The following MCF2L2 variants were observed in gnomAD, a reference collection of about 807,000 sequenced individuals.
The protein encoded by MCF2L2 is probable guanine nucleotide exchange factor MCF2L2.
A neutral mutation model predicts 150.2 loss-of-function variants in MCF2L2; 102 were observed. That is an observed-to-expected ratio of 0.68 (90% confidence interval 0.58 to 0.80). The LOEUF (loss-of-function observed/expected upper bound fraction) is 0.80. Among genes scored for constraint, MCF2L2 ranks in the 30% least tolerant of loss-of-function variants. The pLI, the probability that MCF2L2 is intolerant of heterozygous loss-of-function variation, is 0.00. For synonymous variants in MCF2L2, 465 were observed against 491.3 expected (o/e 0.95, Z 0.71); for missense variants, 1,256 against 1,372.8 (o/e 0.91, Z 1.34).
intron 15 of MCF2L2, among the ~76,000 whole-genome samples, chr3:183,234,477 T>A (rs1336603737): frequency 6.6e-6 from 1 of 152,234 alleles, no homozygotes; most frequent in South Asian, 2.1e-4. Context: ...CTCATCCAAC[T>A]GCTTCATTTT....
chr3:183,256,781 A>T (rs1024578322), intron 15 of MCF2L2, among the ~76,000 whole-genome samples: 3 of 152,204 alleles, frequency 2.0e-5, no homozygotes, highest in Non-Finnish European at 4.4e-5. Context: ...AGAGGACCAT[A>T]TAATCTTATA....
chr3:183,180,165 G>T lies in MCF2L2; in HGVS notation c.3017-6C>A. ...AAACTCCCTGCTGGAGCAGCCTTAG[G>T]GAGAGAAAGGGAAGGATGGGGCCTC... On this transcript the variant is annotated splice_region_variant and splice_polypyrimidine_tract_variant and intron_variant, in intron 27 of 29. Coordinates refer to ENST00000328913, the MANE Select transcript of MCF2L2 (RefSeq NM_015078.4). The T allele has an allele frequency of 1.3e-6, 2 of 1,595,532 alleles. No homozygotes were observed. Among genetic ancestry groups the T allele is most frequent in the Non-Finnish European group, 1.7e-6 (2 of 1,163,700 alleles).
At chr3:183,357,683 A>G (rs990956086) in intron 3 of MCF2L2, among the ~76,000 whole-genome samples, 3 of 152,158 alleles carry the variant, frequency 2.0e-5, no homozygotes, top group Non-Finnish European at 4.4e-5. Flanking sequence ...TGACTCCCCT[A>G]TGCAAGCACG....
intron 21 of MCF2L2, 112 bp from the exon 22 acceptor site, chr3:183,216,206 G>T: frequency 2.6e-6 from 3 of 1,146,642 alleles, no homozygotes; most frequent in Non-Finnish European, 3.8e-6. Flanking sequence ...TGACTGAGAA[G>T]GGTGGATATT....
intron 15 of MCF2L2, among the ~76,000 whole-genome samples, chr3:183,241,370 C>T (rs1476126914): frequency 6.6e-6 from 1 of 152,178 alleles, no homozygotes; most frequent in Non-Finnish European, 1.5e-5. Context: ...TCTGTGTCCC[C>T]ACCCAAATCT....
intron 3 of MCF2L2, among the ~76,000 whole-genome samples, chr3:183,366,731 G>A (rs1356998689): frequency 3.3e-5 from 5 of 152,156 alleles, no homozygotes; most frequent in Admixed American, 3.3e-4. Context: ...CCAAAATAGA[G>A]GGGACTTTCC....
At chr3:183,368,897 C>T (rs532431082) in intron 3 of MCF2L2, among the ~76,000 whole-genome samples, 7 of 152,174 alleles carry the variant, frequency 4.6e-5, no homozygotes, top group African/African-American at 7.2e-5. Context: ...TTATCATCTC[C>T]GTGAGGATGA....
At chr3:183,339,989 G>A (rs1381903809) in intron 4 of MCF2L2, among the ~76,000 whole-genome samples, 2 of 152,114 alleles carry the variant, frequency 1.3e-5, no homozygotes, top group South Asian at 2.1e-4. Context: ...TATGGACCCT[G>A]GAAAGCCAGA....
chr3:183,421,178 C>T (rs1461406923), intron 1 of MCF2L2, among the ~76,000 whole-genome samples: 1 of 146,534 alleles, frequency 6.8e-6, no homozygotes, highest in Non-Finnish European at 1.5e-5. Flanking sequence ...CCTACTTCAA[C>T]ATCATTGAGC....
At chr3:183,324,623 C>T (rs957560814) in intron 5 of MCF2L2, among the ~76,000 whole-genome samples, 7 of 152,102 alleles carry the variant, frequency 4.6e-5, no homozygotes, top group African/African-American at 1.7e-4. Flanking sequence ...ATCCCAGCTA[C>T]TCAGGAGGCT....
intron 21 of MCF2L2, among the ~76,000 whole-genome samples, chr3:183,217,005 T>A (rs1383227640): frequency 6.7e-6 from 1 of 150,260 alleles, no homozygotes; most frequent in African/African-American, 2.5e-5. Flanking sequence ...AAAAAAAAAA[T>A]ACCATATGGC....
chr3:183,232,277 C>T (rs922556091), intron 15 of MCF2L2, among the ~76,000 whole-genome samples: 1 of 152,134 alleles, frequency 6.6e-6, no homozygotes, highest in Non-Finnish European at 1.5e-5. Flanking sequence ...GCCACAACCA[C>T]GCGAACTTAG....
chr3:183,229,443 C>T (rs1418781832), intron 17 of MCF2L2, among the ~76,000 whole-genome samples: 1 of 152,208 alleles, frequency 6.6e-6, no homozygotes, highest in East Asian at 1.9e-4. Flanking sequence ...GGATGTCTGA[C>T]ACTGGGTCCC....
In MCF2L2 at chr3:183,326,492, CAAAAAAA is replaced by C. The variant is rs890481068; in HGVS notation, c.487-3148_487-3142del. Among the ~76,000 whole-genome samples the C allele has an allele frequency of 1.3e-3, 51 of 39,428 alleles. No individual in the cohort carries two copies. In the East Asian group the frequency reaches 0.033, roughly 26 times the overall value. 25.9% of individuals were successfully genotyped at this position (39,428 alleles called of 152,430 possible). A position where few individuals can be genotyped will look rare whatever the true frequency, so the allele number is the denominator to read the frequency against. On this transcript the variant is annotated intron_variant, in intron 5 of 29. Transcript: ENST00000328913. ...AGGCAATGAGAGTGAAACTCCGTCT[CAAAAAAA>C]AAAAAAAAAAAAAAAAACAAAAAAA...
intron 3 of MCF2L2, among the ~76,000 whole-genome samples, chr3:183,362,209 A>C (rs1392663866): frequency 6.6e-6 from 1 of 151,902 alleles, no homozygotes; most frequent in African/African-American, 2.4e-5. Context: ...GGTTCAAGCA[A>C]TTCTCCTGCC....
At chr3:183,268,880 G>A (rs1047974841) in intron 15 of MCF2L2, among the ~76,000 whole-genome samples, 1 of 152,022 alleles carries the variant, frequency 6.6e-6, no homozygotes, top group Non-Finnish European at 1.5e-5. Context: ...ACATTGAGGC[G>A]CCTGCTGCAT....
At position 183,207,882 on chromosome 3, in the gene MCF2L2, C is replaced by G. The variant is rs534138251; in HGVS notation, c.2497-59G>C. 7.0e-6 allele frequency: 9 copies of G among 1,291,188 alleles called. No individual in the cohort carries two copies. The East Asian group carries it at 9.4e-5, about 13-fold the overall frequency. The allele number at this position is 1,291,188 out of a possible 1,614,324, so 80.0% of individuals were successfully genotyped here. ...TAAAATTACTTGACAGAGAAAGAAG[C>G]CTTTGTGGCCTGTTTTCAAATTTTA... On this transcript the variant is annotated intron_variant, in intron 22 of 29. Coordinates refer to ENST00000328913, the MANE Select transcript of MCF2L2 (RefSeq NM_015078.4).
intron 22 of MCF2L2, among the ~76,000 whole-genome samples, chr3:183,208,033 A>G (rs1482335990): frequency 6.6e-6 from 1 of 152,210 alleles, no homozygotes; most frequent in East Asian, 1.9e-4. Context: ...AAGGAAATCA[A>G]TTCAGCTATG....
At chr3:183,389,879 G>A (rs1009478215) in intron 1 of MCF2L2, 100 bp from the exon 2 acceptor site, 1 of 885,620 alleles carries the variant, frequency 1.1e-6, no homozygotes, top group African/African-American at 1.7e-5. Context: ...GGAAATCTGG[G>A]ACTTATCAAG....
Sources: allele counts gnomAD v4.1 joint callset (sites outside exome capture counted in the v4.1 genomes callset), GRCh38; gene constraint gnomAD v4.1.1; transcripts MANE v1.5; gene names NCBI Gene and HGNC (gene_info 2026-07-23, HGNC 2026-07-21).